RBFOX1: variants seen among roughly 807,000 people sequenced by gnomAD.
RBFOX1 encodes the protein RNA binding protein fox-1 homolog 1.
Under a neutral mutation model 57.7 loss-of-function variants are expected in RBFOX1, and 8 were observed. The observed-to-expected ratio is 0.14, with a 90% confidence interval of 0.08 to 0.25. The LOEUF (loss-of-function observed/expected upper bound fraction) is 0.25, where lower values mean the gene tolerates loss of function less well. RBFOX1 is among the 10% of genes least tolerant of loss of function. The pLI is 1.00. For synonymous variants in RBFOX1, 326 were observed against 222.4 expected (o/e 1.47, Z -4.15); for missense variants, 611 against 548.5 (o/e 1.11, Z -1.14).
intron 1 of RBFOX1, among the ~76,000 whole-genome samples, chr16:6,054,117 T>G (rs11644623): frequency 0.33 from 49,571 of 151,978 alleles, 8,336 homozygotes; most frequent in Non-Finnish European, 0.38. Flanking sequence ...TGGCTGTAAT[T>G]GAGGAAACTG....
intron 5 of RBFOX1, among the ~76,000 whole-genome samples, chr16:7,560,832 T>A (rs538625616): frequency 6.6e-6 from 1 of 152,334 alleles, no homozygotes; most frequent in East Asian, 1.9e-4. Flanking sequence ...TTAGGGGACC[T>A]AAACATTTGC....
intron 3 of RBFOX1, among the ~76,000 whole-genome samples, chr16:6,757,262 G>C (rs1377856744): frequency 1.3e-5 from 2 of 152,006 alleles, no homozygotes; most frequent in African/African-American, 4.8e-5. Context: ...ACTAAAAATA[G>C]AACTACCATA....
chr16:5,522,268 C>G (rs138131479), intron 2 of RBFOX1, among the ~76,000 whole-genome samples: 2 of 152,288 alleles, frequency 1.3e-5, no homozygotes, highest in East Asian at 1.9e-4. Flanking sequence ...CTTTGAGTCT[C>G]TGTTTGTTCA....
intron 4 of RBFOX1, among the ~76,000 whole-genome samples, chr16:5,876,115 T>C (rs1472556916): frequency 6.6e-6 from 1 of 152,116 alleles, no homozygotes; most frequent in African/African-American, 2.4e-5. Flanking sequence ...AGTGCTGGGA[T>C]TACAGGTGTG....
intron 1 of RBFOX1, among the ~76,000 whole-genome samples, chr16:6,232,178 T>C (rs975529173): frequency 9.9e-5 from 15 of 152,114 alleles, no homozygotes; most frequent in African/African-American, 3.4e-4. Flanking sequence ...TTGGACACAG[T>C]GGGGAAACAG....
chr16:7,457,524 G>C (rs2058758284), intron 4 of RBFOX1, among the ~76,000 whole-genome samples: 1 of 152,142 alleles, frequency 6.6e-6, no homozygotes, highest in African/African-American at 2.4e-5. Flanking sequence ...TGAGATGTTT[G>C]GGTTTCTTCA....
intron 4 of RBFOX1, among the ~76,000 whole-genome samples, chr16:7,455,000 C>A (rs1412069797): frequency 1.3e-5 from 2 of 152,180 alleles, no homozygotes; most frequent in Admixed American, 6.5e-5. Flanking sequence ...TGATTTTGCT[C>A]ATGGGTTCAT....
chr16:6,253,675 A>G (rs369620514), intron 1 of RBFOX1, among the ~76,000 whole-genome samples: 54 of 145,002 alleles, frequency 3.7e-4, no homozygotes, highest in Admixed American at 2.1e-3. Context: ...GTGTGTGTGC[A>G]TGTGTGTGTG....
chr16:6,302,584 C>G (rs773836880), intron 1 of RBFOX1, among the ~76,000 whole-genome samples: 2 of 152,122 alleles, frequency 1.3e-5, no homozygotes, highest in African/African-American at 2.4e-5. Flanking sequence ...AGCGTTGAAC[C>G]ATATGTACAC....
At chr16:5,424,871 TTTTTTTTCTTTCTTTCTTTCTTTC>T (rs1398998457) in intron 1 of RBFOX1, among the ~76,000 whole-genome samples, 6 of 118,560 alleles carry the variant, frequency 5.1e-5, no homozygotes, top group African/African-American at 1.1e-4. Flanking sequence ...TCTTTCTTTC[TTTTTTTTCTTTCTTTCTTTCTTTC>T]TTTCTTTCTT....
intron 4 of RBFOX1, among the ~76,000 whole-genome samples, chr16:7,369,499 G>C (rs1042219252): frequency 3.9e-5 from 6 of 152,008 alleles, no homozygotes; most frequent in African/African-American, 1.4e-4. Flanking sequence ...ATAACTCCCT[G>C]CATTTGCATT....
chr16:7,467,234 C>A (rs979842823), intron 4 of RBFOX1, among the ~76,000 whole-genome samples: 1 of 152,130 alleles, frequency 6.6e-6, no homozygotes, highest in Non-Finnish European at 1.5e-5. Flanking sequence ...GAGAACTTTC[C>A]AATGAGTCTC....
At chr16:6,075,233 C>G (rs2095881422) in intron 1 of RBFOX1, among the ~76,000 whole-genome samples, 1 of 152,162 alleles carries the variant, frequency 6.6e-6, no homozygotes, top group Admixed American at 6.5e-5. Context: ...CTTTGCAATG[C>G]CATTACCGAT....
chr16:6,125,894 G>C (rs1031496640), intron 1 of RBFOX1, among the ~76,000 whole-genome samples: 1 of 152,138 alleles, frequency 6.6e-6, no homozygotes, highest in African/African-American at 2.4e-5. Context: ...TTATGAGGCT[G>C]CTATTTAAAA....
intron 3 of RBFOX1, among the ~76,000 whole-genome samples, chr16:6,967,461 G>C (rs2084523331): frequency 6.6e-6 from 1 of 152,092 alleles, no homozygotes; most frequent in African/African-American, 2.4e-5. Flanking sequence ...ATTAGGATGG[G>C]GGCAGTGGAT....
chr16:6,946,330 G>A (rs975295512), intron 3 of RBFOX1, among the ~76,000 whole-genome samples: 3 of 152,158 alleles, frequency 2.0e-5, no homozygotes, highest in Non-Finnish European at 4.4e-5. Context: ...TACAAAAATA[G>A]TCAGTGGGCC....
chr16:6,381,239 G>A (rs112382357), intron 2 of RBFOX1, among the ~76,000 whole-genome samples: 27 of 152,114 alleles, frequency 1.8e-4, no homozygotes, highest in African/African-American at 3.4e-4. Flanking sequence ...CATATATTGC[G>A]TAGTGATGAG....
intron 4 of RBFOX1, among the ~76,000 whole-genome samples, chr16:7,130,514 C>T (rs961927553): frequency 1.3e-5 from 2 of 152,126 alleles, no homozygotes; most frequent in Non-Finnish European, 2.9e-5. Context: ...AACACAGAGC[C>T]TGACCCAGAG....
At chr16:6,615,544 T>C (rs1366156890) in intron 2 of RBFOX1, among the ~76,000 whole-genome samples, 1 of 151,278 alleles carries the variant, frequency 6.6e-6, no homozygotes, top group Non-Finnish European at 1.5e-5. Context: ...CTCTCCATCC[T>C]GGGAGAAAGA....
Sources: allele counts gnomAD v4.1 joint callset (sites outside exome capture counted in the v4.1 genomes callset), GRCh38; gene constraint gnomAD v4.1.1; transcripts MANE v1.5; gene names NCBI Gene and HGNC (gene_info 2026-07-23, HGNC 2026-07-21).